SMPX: variants seen among roughly 807,000 people sequenced by gnomAD.
SMPX encodes small muscular protein.
In SMPX, 2 loss-of-function variants were observed where a neutral mutation model predicts 6.3. The ratio of observed to expected loss-of-function variants is 0.32; its 90% CI spans 0.13 to 0.99. SMPX has a LOEUF of 0.99. SMPX is among the 50% of genes least tolerant of loss of function. The pLI is 0.49. For synonymous variants in SMPX, 32 were observed against 24.7 expected (o/e 1.30, Z -0.88); for missense variants, 60 against 66.8 (o/e 0.90, Z 0.36).
At chrX:21,746,647 TG>T (rs1282162555) in intron 2 of SMPX, among the ~76,000 whole-genome samples, 4 of 77,167 alleles carry the variant, frequency 5.2e-5, no homozygotes, top group East Asian at 5.4e-4. Flanking sequence ...AAAACTTAAA[TG>T]GGTTTTTTTT....
At chrX:21,731,387 A>C (rs2092802980) in intron 4 of SMPX, among the ~76,000 whole-genome samples, 1 of 100,687 alleles carries the variant, frequency 9.9e-6, no homozygotes, top group African/African-American at 3.6e-5. Context: ...GTGTATATAT[A>C]CATATCCACA....
intron 1 of SMPX, among the ~76,000 whole-genome samples, chrX:21,755,363 T>A (rs943287558): frequency 6.2e-5 from 7 of 113,039 alleles, no homozygotes; most frequent in Non-Finnish European, 1.1e-4. Context: ...TTGCCACACA[T>A]CTTGTGTAAC....
chrX:21,757,973 A>G lies in SMPX; in HGVS notation c.-44T>C, dbSNP rs1159258871. The G allele has an allele frequency of 3.0e-6, 1 of 329,212 alleles. No homozygotes were observed. The highest frequency in any genetic ancestry group is 9.7e-5 in the East Asian group (1 of 10,312). The allele number at this position is 329,212 out of a possible 1,213,427, so 27.1% of individuals were successfully genotyped here. On this transcript the variant is annotated 5_prime_UTR_variant, in exon 1 of 5. Coordinates refer to ENST00000379494, the MANE Select transcript of SMPX (RefSeq NM_014332.3). ...TATGTATTTGTTTACTGCCTAAGGG[A>G]AGTCCCAGGCAGCCAGATGCAAGAA...
At chrX:21,756,186 TA>T (rs910201208) in intron 1 of SMPX, among the ~76,000 whole-genome samples, 4 of 112,664 alleles carry the variant, frequency 3.6e-5, no homozygotes, top group African/African-American at 9.7e-5. Context: ...GGGAACTTGT[TA>T]AAAAAATTAT....
At chrX:21,706,925 T>C (rs371210382) in intron 4 of SMPX, among the ~76,000 whole-genome samples, 177 of 110,207 alleles carry the variant, frequency 1.6e-3, no homozygotes, top group African/African-American at 5.6e-3. Flanking sequence ...TCTGAGGCCT[T>C]CCCAGCCCTG....
At chrX:21,732,010 T>C (rs1303665994) in intron 4 of SMPX, among the ~76,000 whole-genome samples, 1 of 110,727 alleles carries the variant, frequency 9.0e-6, no homozygotes, top group Non-Finnish European at 1.9e-5. Context: ...TTTTGCTTCA[T>C]GTGTTTTGGG....
intron 1 of SMPX, among the ~76,000 whole-genome samples, chrX:21,755,876 C>T (rs1259654807): frequency 3.6e-5 from 4 of 111,675 alleles, no homozygotes; most frequent in Non-Finnish European, 5.6e-5. Flanking sequence ...ATTTTTAATA[C>T]GGTTACAAAA....
At chrX:21,744,335 C>T (rs1274497737) in intron 2 of SMPX, among the ~76,000 whole-genome samples, 1 of 111,665 alleles carries the variant, frequency 9.0e-6, no homozygotes, top group African/African-American at 3.3e-5. Flanking sequence ...ACTTTATTGC[C>T]ATAGTCTCTG....
At chrX:21,709,127 G>A (rs186324605) in intron 4 of SMPX, among the ~76,000 whole-genome samples, 2 of 111,892 alleles carry the variant, frequency 1.8e-5, no homozygotes, top group Admixed American at 9.4e-5. Context: ...CAGTCACAAA[G>A]TGGAAGTAAG....
chrX:21,756,013 A>G (rs890235082), intron 1 of SMPX, among the ~76,000 whole-genome samples: 2 of 112,603 alleles, frequency 1.8e-5, no homozygotes, highest in Admixed American at 1.9e-4. Context: ...GATCTAGGAC[A>G]TACAGCTTAA....
chrX:21,715,262 C>CTGTGTGTGTGTGTG (rs34947234), intron 4 of SMPX, among the ~76,000 whole-genome samples: 5 of 94,616 alleles, frequency 5.3e-5, no homozygotes, highest in Admixed American at 2.3e-4. Context: ...TCACTCTGCT[C>CTGTGTGTGTGTGTG]TGTGTGTGTG....
chrX:21,711,065 G>T (rs372741762), intron 4 of SMPX, among the ~76,000 whole-genome samples: 1 of 111,593 alleles, frequency 9.0e-6, no homozygotes, highest in Non-Finnish European at 1.9e-5. Flanking sequence ...GATGGATAAC[G>T]TCAGATATAG....
chrX:21,733,817 A>G (rs375405051), intron 4 of SMPX: 25 of 317,920 alleles, frequency 7.9e-5, no homozygotes, highest in African/African-American at 6.2e-4. Context: ...TTATGCTCCA[A>G]AAGTTTAAGA....
intron 4 of SMPX, among the ~76,000 whole-genome samples, chrX:21,726,731 T>C (rs186902568): frequency 1.2e-4 from 13 of 112,319 alleles, no homozygotes; most frequent in East Asian, 8.4e-4. Flanking sequence ...CAAACATTGC[T>C]AAATATTCCT....
chrX:21,729,700 T>C (rs183385422), intron 4 of SMPX, among the ~76,000 whole-genome samples: 1 of 111,654 alleles, frequency 9.0e-6, no homozygotes, highest in Non-Finnish European at 1.9e-5. Context: ...CTGAAGCAAA[T>C]GTGCTTCTCT....
chrX:21,715,333 TG>T (rs892370367), intron 4 of SMPX, among the ~76,000 whole-genome samples: 1 of 107,570 alleles, frequency 9.3e-6, no homozygotes, highest in Admixed American at 9.9e-5. Flanking sequence ...CGCGCGCTGG[TG>T]GGGGGTTAAA....
In SMPX at chrX:21,727,881, T is replaced by C. The variant is rs1314962468; in HGVS notation, c.*14+9668A>G. Among the ~76,000 whole-genome samples the C allele has an allele frequency of 2.7e-5, 3 of 112,212 alleles. No individual in the cohort carries two copies. In the East Asian group the frequency reaches 8.4e-4, roughly 31 times the overall value. ...CAAATGCCACAGCATGTGCAGGGAG[T>C]TAAAATGAGCAGCATTGTCACGATG... On this transcript the variant is annotated intron_variant, in intron 4 of 4. Transcript: ENST00000379494.
At chrX:21,734,189 A>T (rs1345736613) in intron 4 of SMPX, among the ~76,000 whole-genome samples, 1 of 112,185 alleles carries the variant, frequency 8.9e-6, no homozygotes, top group Non-Finnish European at 1.9e-5. Flanking sequence ...CTACAGAAAG[A>T]AGAAAGTACC....
chrX:21,745,140 G>A (rs757851141), intron 2 of SMPX, among the ~76,000 whole-genome samples: 5 of 112,164 alleles, frequency 4.5e-5, no homozygotes, highest in East Asian at 2.8e-4. Flanking sequence ...GGAAGTAACC[G>A]GAGAGGTACA....
Sources: gnomAD v4.1 joint callset for allele counts (sites outside exome capture counted in the v4.1 genomes callset) on GRCh38, gnomAD v4.1.1 for gene constraint, MANE v1.5 for transcripts, NCBI Gene and HGNC (gene_info 2026-07-23, HGNC 2026-07-21) for gene names.